Variants in DMBT1 observed in about 807,000 individuals in gnomAD.
DMBT1 encodes the protein deleted in malignant brain tumors 1.
A neutral mutation model predicts 252.9 loss-of-function variants in DMBT1; 198 were observed. The ratio of observed to expected loss-of-function variants is 0.78; its 90% CI spans 0.70 to 0.88. The LOEUF (loss-of-function observed/expected upper bound fraction) is 0.88. DMBT1 is among the 40% of genes least tolerant of loss of function. The probability of loss-of-function intolerance (pLI) is 0.00; values close to 1 mark genes in which losing one functional copy is unlikely to be tolerated. For missense variants in DMBT1, 2,432 were observed against 2,404.7 expected (o/e 1.01, Z -0.24); for synonymous variants, 990 against 942.7 (o/e 1.05, Z -0.92).
Position 122,633,205 on chromosome 10 carries a change from G to C in DMBT1, c.6412G>C (p.Gly2138Arg), listed in dbSNP as rs553177521. ...ITRPNTDYSC[G>R]GFLSQPSGDF... ...TGTCCTGACAGCAGATTATTCCTGC[G>C]GAGGCTTCCTATCCCAACCATCAGG... is the stretch of plus-strand genomic sequence containing the variant. The change falls in exon 52 of 56, where the codon GGA becomes CGA. Residue 2138 changes from glycine (G) to arginine (R), a missense_variant. Transcript: ENST00000338354. 1 of 1,613,944 alleles carries C rather than the reference G, an allele frequency of 6.2e-7. No individual in the cohort carries two copies. Among genetic ancestry groups the C allele is most frequent in the South Asian group, 1.1e-5 (1 of 91,066 alleles).
At chr10:122,573,882 G>A (rs2097688569) in intron 6 of DMBT1, 120 bp downstream of exon 6, 2 of 1,279,522 alleles carry the variant, frequency 1.6e-6, no homozygotes, top group South Asian at 2.5e-5. Context: ...CCCACGAGGG[G>A]CCCTTCCACA....
intron 26 of DMBT1, among the ~76,000 whole-genome samples, chr10:122,599,736 C>T (rs2097922358): frequency 6.6e-6 from 1 of 152,186 alleles, no homozygotes; most frequent in Non-Finnish European, 1.5e-5. Context: ...TTGAGGACGG[C>T]ACAAGGGATT....
chr10:122,592,180 T>C (rs1430342305), intron 19 of DMBT1, 92 bp from the exon 20 acceptor site: 3 of 1,531,810 alleles, frequency 2.0e-6, no homozygotes, highest in Non-Finnish European at 2.6e-6. Flanking sequence ...CCAGGCGACC[T>C]TGGCCATTAG....
At chr10:122,593,254 G>T (rs1239340884) in intron 20 of DMBT1, among the ~76,000 whole-genome samples, 1 of 148,610 alleles carries the variant, frequency 6.7e-6, no homozygotes, top group Admixed American at 6.7e-5. Context: ...AAGGGATTTT[G>T]GCTGGAGTGG....
In DMBT1 at chr10:122,598,003, T is replaced by C. The variant is rs1483527081; in HGVS notation, c.2947T>C (p.Ser983Pro). 6.2e-7 allele frequency: 1 copy of C among 1,613,938 alleles called. No individual in the cohort carries two copies. The highest frequency in any genetic ancestry group is 1.1e-5 in the South Asian group (1 of 91,074). Reference protein sequence around the residue: ...DTLPTITLPASTVGSESSLAL... With the variant: ...DTLPTITLPAPTVGSESSLAL... ...ATTGCCGACCATCACCTTGCCTGCA[T>C]CGACAGTAGGTAAATATTCCTCTCG... Residue 983 changes from serine to proline, a missense_variant, in exon 25 of 56, where the codon TCG (serine) becomes CCG (proline). By Grantham distance (74) the Ser-to-Pro change is moderately conservative. Coordinates refer to ENST00000338354, the MANE Select transcript of DMBT1 (RefSeq NM_001377530.1).
In DMBT1 at chr10:122,629,970, A is replaced by G. The variant is rs773532559; in HGVS notation, c.5799A>G (p.Ile1933Met). ...TAGAAGTGAATTCTGGTTATCGCAT[A>G]AACCTGGGCTTCAGTAATCTGAAGT... ...WEIEVNSGYR[I>M]NLGFSNLKLE... Residue 1933 changes from isoleucine (I) to methionine (M), a missense_variant, in exon 47 of 56, where the codon ATA becomes ATG. Ile to Met is a conservative substitution (Grantham distance 10, BLOSUM62 1). Around this residue, in one of 3 missense-constraint regions of DMBT1, gnomAD observed 1,162 missense variants for 1,169.0 expected, o/e 0.99. Coordinates refer to ENST00000338354, the MANE Select transcript of DMBT1 (RefSeq NM_001377530.1). 2 of 1,614,020 alleles carry G rather than the reference A, an allele frequency of 1.2e-6. No individual in the cohort carries two copies. The highest frequency in any genetic ancestry group is 3.3e-5 in the Admixed American group (2 of 60,024).
At position 122,617,236 on chromosome 10, in the gene DMBT1, C is replaced by A. The variant is rs1224197499; in HGVS notation, c.4867C>A (p.Pro1623Thr). ...TTTGTTGCTATTTACAGACACTTGGCCAACCTCTCGTGCATCAACAGCAGG... is the reference window on the plus strand; with the variant it reads ...TTTGTTGCTATTTACAGACACTTGGACAACCTCTCGTGCATCAACAGCAGG... Reference protein sequence around the residue: ...SQPTPSPDTWPTSRASTAGSE... With the variant: ...SQPTPSPDTWTTSRASTAGSE... Residue 1623 changes from proline (P) to threonine (T), a missense_variant, in exon 40 of 56, where the codon CCA (proline) becomes ACA (threonine). Around this residue, in one of 3 missense-constraint regions of DMBT1, gnomAD observed 1,162 missense variants for 1,169.0 expected, o/e 0.99. Coordinates refer to ENST00000338354, the MANE Select transcript of DMBT1 (RefSeq NM_001377530.1). 45 of 1,609,576 alleles carry A rather than the reference C, an allele frequency of 2.8e-5. No homozygotes were observed. Among genetic ancestry groups the A allele is most frequent in the Non-Finnish European group, 3.7e-5 (44 of 1,178,860 alleles).
chr10:122,576,881 T>C (rs1006383457), intron 7 of DMBT1, among the ~76,000 whole-genome samples, 159 bp downstream of exon 7: 8 of 152,178 alleles, frequency 5.3e-5, no homozygotes, highest in Non-Finnish European at 8.8e-5. Context: ...AGAAAATCAC[T>C]TGGGCCCATT....
intron 43 of DMBT1, 120 bp downstream of exon 43, chr10:122,620,411 G>A (rs2098053464): frequency 8.1e-7 from 1 of 1,233,868 alleles, no homozygotes; most frequent in Non-Finnish European, 1.2e-6. Flanking sequence ...TCCGCGAGTT[G>A]CCTGGGGAGG....
At chr10:122,579,263 G>A (rs1469617688) in intron 9 of DMBT1, among the ~76,000 whole-genome samples, 1 of 152,070 alleles carries the variant, frequency 6.6e-6, no homozygotes, top group Non-Finnish European at 1.5e-5. Flanking sequence ...CCTGAATAAG[G>A]GAGGGGTCTG....
intron 17 of DMBT1, among the ~76,000 whole-genome samples, chr10:122,590,357 A>C (rs530300142): frequency 6.7e-6 from 1 of 148,968 alleles, no homozygotes; most frequent in African/African-American, 2.4e-5. Context: ...TTTTTGCTGG[A>C]GTGGCCTCTT....
chr10:122,590,678 G>A lies in DMBT1; in HGVS notation c.2121G>A (p.Arg707=), dbSNP rs1457484971. Residue 707 remains arginine (R), a synonymous_variant, in exon 18 of 56, where the codon CGG becomes CGA. Coordinates refer to ENST00000338354, the MANE Select transcript of DMBT1 (RefSeq NM_001377530.1). ...AGVICSAAQS[R]STPRPDTLST... The stretch of plus-strand genomic sequence containing the variant: ...TCTTTCTCACAGCTGCCCAGTCCCG[G>A]TCGACGCCCAGGCCAGGTGAGTCCC... 2 of 1,587,736 alleles carry A rather than the reference G, an allele frequency of 1.3e-6. No individual in the cohort carries two copies. Among genetic ancestry groups the A allele is most frequent in the African/African-American group, 1.3e-5 (1 of 74,446 alleles).
rs147417794 is a variant in DMBT1 at position 122,600,250 on chromosome 10, C to T, written c.3310+157C>T. Among the ~76,000 whole-genome samples, 768 of 148,790 alleles carry T rather than the reference C, an allele frequency of 5.2e-3. 14 individuals are homozygous for T. Among genetic ancestry groups the T allele is most frequent in the African/African-American group, 0.018 (698 of 38,870 alleles). On this transcript the variant is annotated intron_variant, in intron 27 of 55. Coordinates refer to ENST00000338354, the MANE Select transcript of DMBT1 (RefSeq NM_001377530.1). Reference sequence around the variant, plus strand: ...TTGTGTAACTGAGACCCCAGCACAGCGCTTTTTAAACACACACAGGATTGA... The same window carrying T: ...TTGTGTAACTGAGACCCCAGCACAGTGCTTTTTAAACACACACAGGATTGA...
Position 122,637,208 on chromosome 10 carries a change from C to T in DMBT1, c.6838C>T (p.Leu2280Phe), listed in dbSNP as rs1162663772. The T allele has an allele frequency of 1.2e-6, 2 of 1,613,876 alleles. No individual in the cohort carries two copies. Among genetic ancestry groups the T allele is most frequent in the Non-Finnish European group, 1.7e-6 (2 of 1,179,896 alleles). Residue 2280 changes from leucine (L) to phenylalanine (F), a missense_variant, in exon 54 of 56, where the codon CTT (leucine) becomes TTT (phenylalanine). Around this residue, in one of 3 missense-constraint regions of DMBT1, gnomAD observed 1,162 missense variants for 1,169.0 expected, o/e 0.99. Coordinates refer to ENST00000338354, the MANE Select transcript of DMBT1 (RefSeq NM_001377530.1). ...ATCCTTGGGCTTTTCTGCCAGTGAC[C>T]TTGTCATTTCCACCTGGAATGGATA... ...LQSLGFSASD[L>F]VISTWNGYYE...
Position 122,589,404 on chromosome 10 carries a change from G to C in DMBT1, c.2107+137G>C, listed in dbSNP as rs2097826808. ...TGATATCTCCTTAGCTCTCTTCTAGGAAACTGCATGAGTCTTCACCACAGT... is the reference window on the plus strand; with the variant it reads ...TGATATCTCCTTAGCTCTCTTCTAGCAAACTGCATGAGTCTTCACCACAGT... On this transcript the variant is annotated intron_variant, in intron 17 of 55. Coordinates refer to ENST00000338354, the MANE Select transcript of DMBT1 (RefSeq NM_001377530.1). The C allele has an allele frequency of 4.0e-5, 56 of 1,391,022 alleles. 10 individuals are homozygous for C. The South Asian group carries it at 8.4e-4, about 21-fold the overall frequency. The allele number at this position is 1,391,022 out of a possible 1,614,324, so 86.2% of individuals were successfully genotyped here.
chr10:122,562,402 T>A (rs2097555947), intron 1 of DMBT1, among the ~76,000 whole-genome samples: 1 of 151,984 alleles, frequency 6.6e-6, no homozygotes, highest in South Asian at 2.1e-4. Flanking sequence ...ACCCAGGTGG[T>A]AGGGAGCAGG....
intron 1 of DMBT1, among the ~76,000 whole-genome samples, chr10:122,561,749 C>T (rs11499293): frequency 0.7 from 106,513 of 151,118 alleles, 37,768 homozygotes; most frequent in East Asian, 0.9. Flanking sequence ...TCTGTTTCTG[C>T]CTCTGCCTTT....
At position 122,576,388 on chromosome 10, in the gene DMBT1, C is replaced by T. The variant is rs1482500718; in HGVS notation, c.284-11C>T. ...AGGAATGTGCAAGAGAAATTCTGTG[C>T]CTTCCTCTAGGATCTGATTCTGGTT... On this transcript the variant is annotated splice_polypyrimidine_tract_variant and intron_variant, in intron 6 of 55. Transcript: ENST00000338354. 1.9e-6 allele frequency: 3 copies of T among 1,612,448 alleles called. No homozygotes were observed. Among genetic ancestry groups the T allele is most frequent in the Middle Eastern group, 1.7e-4 (1 of 6,054 alleles).
At chr10:122,566,962 T>C (rs1321304792) in intron 2 of DMBT1, among the ~76,000 whole-genome samples, 1 of 152,218 alleles carries the variant, frequency 6.6e-6, no homozygotes, top group African/African-American at 2.4e-5. Context: ...GGGTGCCTCC[T>C]CTTACCCCTG....
Sources: allele counts gnomAD v4.1 joint callset (sites outside exome capture counted in the v4.1 genomes callset), GRCh38; gene constraint gnomAD v4.1.1; regional missense constraint gnomAD v4.1.1; transcripts MANE v1.5; gene names NCBI Gene and HGNC (gene_info 2026-07-23, HGNC 2026-07-21).